The following STAT6 variants were observed in gnomAD, a reference collection of about 807,000 sequenced individuals.
STAT6 encodes the protein signal transducer and activator of transcription 6.
Under a neutral mutation model 106.3 loss-of-function variants are expected in STAT6, and 45 were observed. The observed-to-expected ratio is 0.42, with a 90% CI of 0.33 to 0.54. The LOEUF is 0.54. Ranked by LOEUF, STAT6 falls within the 20% of genes least tolerant of loss-of-function variation. The pLI is 0.06. For synonymous variants in STAT6, 413 were observed against 413.6 expected (o/e 1.00, Z 0.02); for missense variants, 797 against 1,062.2 (o/e 0.75, Z 3.47).
At chr12:57,107,497 G>A in intron 3 of STAT6, 108 bp downstream of exon 3, 1 of 1,443,970 alleles carries the variant, frequency 6.9e-7, no homozygotes, top group Non-Finnish European at 9.5e-7. Context: ...TTAACCACAG[G>A]AACACCAATT....
intron 11 of STAT6, 109 bp downstream of exon 11, chr12:57,104,355 C>T (rs1438494517): frequency 6.9e-7 from 1 of 1,458,854 alleles, no homozygotes; most frequent in Non-Finnish European, 9.2e-7. Flanking sequence ...GAATCCCAGA[C>T]ACATGGGGTA....
chr12:57,102,811 C>A lies in STAT6; in HGVS notation c.1305+18G>T, dbSNP rs2034020677. On this transcript the variant is annotated intron_variant, in intron 12 of 21. Transcript: ENST00000300134. Reference sequence around the variant, plus strand: ...CCCACCCTGCCCCTGTTCCCTCCAACTCCAGGACTTTCCTCACCATCTCAG... The same window carrying A: ...CCCACCCTGCCCCTGTTCCCTCCAAATCCAGGACTTTCCTCACCATCTCAG... 4 of 1,606,936 alleles carry A rather than the reference C, an allele frequency of 2.5e-6. No individual in the cohort carries two copies. Among genetic ancestry groups the A allele is most frequent in the Non-Finnish European group, 3.4e-6 (4 of 1,173,708 alleles).
chr12:57,110,874 G>A (rs2034542956), intron 1 of STAT6, among the ~76,000 whole-genome samples: 1 of 152,122 alleles, frequency 6.6e-6, no homozygotes, highest in Admixed American at 6.5e-5. Flanking sequence ...GACTTTCCAT[G>A]GCCCTGGGGG....
In STAT6 at chr12:57,098,375, G is replaced by A. The variant is rs1409180710; in HGVS notation, c.2159+130C>T. The A allele has an allele frequency of 3.2e-6, 3 of 934,742 alleles. No individual in the cohort carries two copies. The East Asian group carries it at 7.3e-5, about 23-fold the overall frequency. The allele number at this position is 934,742 out of a possible 1,614,324, so 57.9% of individuals were successfully genotyped here. ...GATCTTAACTACTACCCCCTCATTA[G>A]AGTGGACAGAAGAGAAGAAGACAGG... On this transcript the variant is annotated intron_variant, in intron 19 of 21. Coordinates refer to ENST00000300134, the MANE Select transcript of STAT6 (RefSeq NM_003153.5).
At chr12:57,110,806 A>C (rs1259173573) in intron 1 of STAT6, among the ~76,000 whole-genome samples, 1 of 152,032 alleles carries the variant, frequency 6.6e-6, no homozygotes. Flanking sequence ...CCTTCCAGGG[A>C]GGGGCGGCCA....
intron 13 of STAT6, among the ~76,000 whole-genome samples, chr12:57,101,746 C>G (rs1197302740): frequency 6.7e-6 from 1 of 149,914 alleles, no homozygotes; most frequent in Admixed American, 6.7e-5. Flanking sequence ...CTCACTGCAA[C>G]CTCCACCTCC....
chr12:57,106,640 G>A (rs1478907264), intron 5 of STAT6, 53 bp downstream of exon 5: 3 of 1,613,228 alleles, frequency 1.9e-6, no homozygotes, highest in Non-Finnish European at 2.5e-6. Flanking sequence ...ATAAGGTTGA[G>A]ATCCAAGAGG....
intron 13 of STAT6, among the ~76,000 whole-genome samples, chr12:57,101,977 C>T (rs2033964329): frequency 6.6e-6 from 1 of 152,124 alleles, no homozygotes; most frequent in Non-Finnish European, 1.5e-5. Flanking sequence ...AACTATTTTT[C>T]CAACAGGTCA....
intron 7 of STAT6, 145 bp downstream of exon 7, chr12:57,106,046 C>T: frequency 1.4e-6 from 2 of 1,389,176 alleles, no homozygotes; most frequent in Non-Finnish European, 1.9e-6. Context: ...ACAGTGTGCA[C>T]AGCCCCGCTG....
At chr12:57,097,693 G>T (rs938019547) in intron 19 of STAT6, among the ~76,000 whole-genome samples, 2 of 152,204 alleles carry the variant, frequency 1.3e-5, no homozygotes, top group Admixed American at 1.3e-4. Flanking sequence ...GGAGGCCGAG[G>T]TGGGAGGATC....
intron 1 of STAT6, among the ~76,000 whole-genome samples, chr12:57,110,891 G>C (rs1324930045): frequency 6.6e-6 from 1 of 152,084 alleles, no homozygotes; most frequent in Admixed American, 6.5e-5. Context: ...GGGGTGCAGG[G>C]GTGAGGCTGT....
At chr12:57,101,488 C>T (rs575936854) in intron 13 of STAT6, among the ~76,000 whole-genome samples, 1 of 151,390 alleles carries the variant, frequency 6.6e-6, no homozygotes, top group Admixed American at 6.6e-5. Flanking sequence ...CCTGCCTCAG[C>T]CGAGTAGCTG....
intron 13 of STAT6, among the ~76,000 whole-genome samples, chr12:57,100,656 G>GA (rs753767413): frequency 2.4e-5 from 1 of 40,992 alleles, no homozygotes; most frequent in African/African-American, 1.0e-4. Context: ...AAGAAAGAAA[G>GA]AAAGAAAGAA....
At chr12:57,102,215 G>A (rs2033973517) in intron 13 of STAT6, 75 bp downstream of exon 13, 19 of 1,498,872 alleles carry the variant, frequency 1.3e-5, no homozygotes, top group Non-Finnish European at 1.5e-5. Flanking sequence ...GTCCCTGCAT[G>A]GAGGCTGAGC....
In STAT6 at chr12:57,096,396, A is replaced by T; in HGVS notation, c.*176T>A. The T allele has an allele frequency of 1.6e-6, 1 of 637,684 alleles. No homozygotes were observed. The highest frequency in any genetic ancestry group is 2.1e-5 in the South Asian group (1 of 48,226). The allele number at this position is 637,684 out of a possible 1,614,324, so 39.5% of individuals were successfully genotyped here. A position where few individuals can be genotyped will look rare whatever the true frequency, so the allele number is the denominator to read the frequency against. On this transcript the variant is annotated 3_prime_UTR_variant, in exon 22 of 22. Transcript: ENST00000300134. Reference sequence around the variant, plus strand: ...GGGAATGATAGAAAGGAAGGAGTGGATTGGCTCCACCCACTGTGCATTCTC... The same window carrying T: ...GGGAATGATAGAAAGGAAGGAGTGGTTTGGCTCCACCCACTGTGCATTCTC...
intron 5 of STAT6, 32 bp downstream of exon 5, chr12:57,106,661 T>TAC: frequency 6.2e-7 from 1 of 1,613,878 alleles, no homozygotes; most frequent in Non-Finnish European, 8.5e-7. Flanking sequence ...CAACCACTCC[T>TAC]ACACACTCCC....
intron 4 of STAT6, 44 bp from the exon 5 acceptor site, chr12:57,106,875 A>G: frequency 6.2e-7 from 1 of 1,608,906 alleles, no homozygotes; most frequent in Non-Finnish European, 8.5e-7. Context: ...CACTCTGCTC[A>G]TCCCTCTATA....
In STAT6 at chr12:57,104,817, C is replaced by T. The variant is rs768279346; in HGVS notation, c.1002-4G>A. 10 of 1,613,950 alleles carry T rather than the reference C, an allele frequency of 6.2e-6. No individual in the cohort carries two copies. In the African/African-American group the frequency reaches 8.0e-5, roughly 13 times the overall value. On this transcript the variant is annotated splice_region_variant and splice_polypyrimidine_tract_variant and intron_variant, in intron 9 of 21. Transcript: ENST00000300134. The stretch of plus-strand genomic sequence containing the variant: ...GATGATTTCTCCAGTGCTTTCTCTG[C>T]CAGGGGAGGTCAGAGTGTGAACGAG...
In STAT6 at chr12:57,105,610, G is replaced by T; in HGVS notation, c.681-11C>A. 1.2e-6 allele frequency: 2 copies of T among 1,613,402 alleles called. No homozygotes were observed. Among genetic ancestry groups the T allele is most frequent in the Non-Finnish European group, 1.7e-6 (2 of 1,179,792 alleles). On this transcript the variant is annotated splice_polypyrimidine_tract_variant and intron_variant, in intron 7 of 21. Transcript: ENST00000300134. ...ACCAGGCTTTCACACCTGGGGCCAG[G>T]ACAGTGGTCAGGGGGCACAGGATTA...
Sources: allele counts gnomAD v4.1 joint callset (sites outside exome capture counted in the v4.1 genomes callset), GRCh38; gene constraint gnomAD v4.1.1; transcripts MANE v1.5; gene names NCBI Gene and HGNC (gene_info 2026-07-23, HGNC 2026-07-21).